SH3RF3: variants seen among roughly 807,000 people sequenced by gnomAD.
The protein encoded by SH3RF3 is E3 ubiquitin-protein ligase SH3RF3.
Under a neutral mutation model 66.3 loss-of-function variants are expected in SH3RF3, and 29 were observed. The ratio of observed to expected loss-of-function variants is 0.44; its 90% confidence interval spans 0.33 to 0.60. The LOEUF (loss-of-function observed/expected upper bound fraction) is 0.60. Ranked by LOEUF, SH3RF3 falls within the 20% of genes least tolerant of loss-of-function variation. The pLI, the probability that SH3RF3 is intolerant of heterozygous loss-of-function variation, is 0.04. For missense variants in SH3RF3, 1,194 were observed against 1,190.9 expected, an observed-to-expected ratio of 1.00 and a Z score of -0.04; for synonymous variants, 583 against 532.0, an observed-to-expected ratio of 1.10 and a Z score of -1.32.
intron 4 of SH3RF3, among the ~76,000 whole-genome samples, 175 bp from the exon 5 acceptor site, chr2:109,419,364 C>T (rs560899043): frequency 1.3e-5 from 2 of 152,328 alleles, no homozygotes; most frequent in African/African-American, 2.4e-5. Flanking sequence ...GCAGGGGTCC[C>T]GGGCTGCCAG....
chr2:109,296,136 G>A (rs549532565), intron 1 of SH3RF3, among the ~76,000 whole-genome samples: 2 of 152,170 alleles, frequency 1.3e-5, no homozygotes, highest in Middle Eastern at 3.4e-3. Context: ...TCTGTGCGCA[G>A]CCCCCAACCC....
intron 1 of SH3RF3, among the ~76,000 whole-genome samples, chr2:109,328,706 C>T (rs1486686379): frequency 6.6e-6 from 1 of 152,190 alleles, no homozygotes; most frequent in African/African-American, 2.4e-5. Flanking sequence ...TGCTCCTGGT[C>T]ATCACTGTGT....
chr2:109,363,119 C>T (rs1390176295), intron 2 of SH3RF3, among the ~76,000 whole-genome samples: 1 of 151,728 alleles, frequency 6.6e-6, no homozygotes, highest in Admixed American at 6.6e-5. Flanking sequence ...ATTTGTTGCC[C>T]TTGTTTTTTG....
At chr2:109,228,082 C>A (rs1558969504) in intron 1 of SH3RF3, among the ~76,000 whole-genome samples, 1 of 152,244 alleles carries the variant, frequency 6.6e-6, no homozygotes, top group East Asian at 1.9e-4. Context: ...TGGTTTGGTA[C>A]TTTTACTCTC....
chr2:109,404,705 C>G (rs868607972), intron 4 of SH3RF3, among the ~76,000 whole-genome samples: 2 of 152,196 alleles, frequency 1.3e-5, no homozygotes, highest in Non-Finnish European at 1.5e-5. Flanking sequence ...TGCGGAAGGC[C>G]CATTCTCATT....
chr2:109,296,133 G>T (rs1383369501), intron 1 of SH3RF3, among the ~76,000 whole-genome samples: 1 of 152,040 alleles, frequency 6.6e-6, no homozygotes, highest in Non-Finnish European at 1.5e-5. Context: ...ACGTCTGTGC[G>T]CAGCCCCCAA....
chr2:109,481,809 T>C (rs542887125), intron 8 of SH3RF3, among the ~76,000 whole-genome samples: 2 of 152,164 alleles, frequency 1.3e-5, no homozygotes, highest in East Asian at 3.9e-4. Context: ...ATGAGAATCC[T>C]GTCTTGAGGA....
At chr2:109,251,615 G>C in intron 1 of SH3RF3, 2 of 1,274,910 alleles carry the variant, frequency 1.6e-6, no homozygotes, top group East Asian at 4.6e-5. Context: ...ATAGGAAATA[G>C]TATCATCATG....
At chr2:109,132,670 T>A (rs994973865) in intron 1 of SH3RF3, among the ~76,000 whole-genome samples, 1 of 152,254 alleles carries the variant, frequency 6.6e-6, no homozygotes, top group African/African-American at 2.4e-5. Flanking sequence ...ATGTGTTACT[T>A]CTTGAAGTGA....
chr2:109,424,515 A>G, intron 5 of SH3RF3, among the ~76,000 whole-genome samples: 1 of 152,218 alleles, frequency 6.6e-6, no homozygotes. Flanking sequence ...GCAACCCAGC[A>G]TCCACCAAGT....
At chr2:109,377,251 C>T (rs113522833) in intron 3 of SH3RF3, among the ~76,000 whole-genome samples, 4,903 of 152,256 alleles carry the variant, frequency 0.032, 189 homozygotes, top group African/African-American at 0.085. Context: ...GGGTGCTGGA[C>T]CTCCGTGGGC....
rs961134009 is a variant in SH3RF3 at position 109,401,957 on chromosome 2, C to T, written c.1299+3014C>T. On this transcript the variant is annotated intron_variant, in intron 4 of 9. Coordinates refer to ENST00000309415, the MANE Select transcript of SH3RF3 (RefSeq NM_001099289.3). ...CATTTTCCAGCAGTTCGACTTGAAG[C>T]GAAAGTCATGGCCAGGCTACTGACT... is the stretch of plus-strand genomic sequence containing the variant. Among the ~76,000 whole-genome samples the T allele has an allele frequency of 1.5e-3, 231 of 152,334 alleles. 2 individuals are homozygous for T. Among genetic ancestry groups the T allele is most frequent in the African/African-American group, 1.8e-3 (76 of 41,578 alleles).
At chr2:109,432,448 C>A in intron 5 of SH3RF3, 53 bp from the exon 6 acceptor site, 1 of 1,602,006 alleles carries the variant, frequency 6.2e-7, no homozygotes. Flanking sequence ...GCCGGCCGGT[C>A]CCCTATCCCC....
rs764913062 is a variant in SH3RF3, at chr2:109,436,909, G to A, written c.1591G>A (p.Ala531Thr). ...TPVSRVPAGG[A>T]GPPRNNVVGG... is the part of the protein sequence containing the mutation. ...TCTCCACAGGGTGCCTGCAGGAGGG[G>A]CAGGGCCGCCCCGGAATAATGTAGT... Residue 531 changes from alanine (A) to threonine (T), a missense_variant, in exon 7 of 10, where the codon GCA (alanine) becomes ACA (threonine). Transcript: ENST00000309415. 3 of 1,613,494 alleles carry A rather than the reference G, an allele frequency of 1.9e-6. No homozygotes were observed. The highest frequency in any genetic ancestry group is 1.7e-6 in the Non-Finnish European group (2 of 1,179,850).
At chr2:109,148,961 G>T (rs1183480840) in intron 1 of SH3RF3, among the ~76,000 whole-genome samples, 1 of 152,188 alleles carries the variant, frequency 6.6e-6, no homozygotes, top group East Asian at 1.9e-4. Flanking sequence ...ACAGAGCCCA[G>T]GCAAGCTTTG....
At chr2:109,155,209 C>T (rs1433699313) in intron 1 of SH3RF3, among the ~76,000 whole-genome samples, 1 of 152,212 alleles carries the variant, frequency 6.6e-6, no homozygotes, top group African/African-American at 2.4e-5. Flanking sequence ...GTGGTGTTCT[C>T]ATCCATGGGC....
intron 1 of SH3RF3, among the ~76,000 whole-genome samples, chr2:109,195,110 A>G (rs914448702): frequency 3.3e-5 from 5 of 152,192 alleles, no homozygotes; most frequent in African/African-American, 1.2e-4. Flanking sequence ...TTACACCTAT[A>G]TTTGTAGCTG....
At chr2:109,155,951 G>A (rs981571072) in intron 1 of SH3RF3, among the ~76,000 whole-genome samples, 5 of 152,184 alleles carry the variant, frequency 3.3e-5, no homozygotes, top group Non-Finnish European at 5.9e-5. Flanking sequence ...GGCAACTCAG[G>A]ATCATTCTGC....
At chr2:109,457,670 C>T (rs1678098264) in intron 8 of SH3RF3, among the ~76,000 whole-genome samples, 1 of 152,242 alleles carries the variant, frequency 6.6e-6, no homozygotes, top group Non-Finnish European at 1.5e-5. Flanking sequence ...AGTCTAGATT[C>T]TGTTCTGCAA....
Sources: gnomAD v4.1 joint callset for allele counts (sites outside exome capture counted in the v4.1 genomes callset) on GRCh38, gnomAD v4.1.1 for gene constraint, MANE v1.5 for transcripts, NCBI Gene and HGNC (gene_info 2026-07-23, HGNC 2026-07-21) for gene names.